Variants in TFAP4 observed in about 807,000 individuals in gnomAD.
TFAP4 encodes the protein transcription factor AP-4, also known as activating enhancer-binding protein 4.
A neutral mutation model predicts 40.4 loss-of-function variants in TFAP4; 7 were observed. The ratio of observed to expected loss-of-function variants is 0.17; its 90% confidence interval spans 0.10 to 0.33. The LOEUF is 0.33. TFAP4 is among the 10% of genes least tolerant of loss of function. The probability of loss-of-function intolerance (pLI) is 1.00; values close to 1 mark genes in which losing one functional copy is unlikely to be tolerated. For missense variants in TFAP4, 374 were observed against 451.1 expected (o/e 0.83, Z 1.55); for synonymous variants, 218 against 181.4 (o/e 1.20, Z -1.62).
intron 1 of TFAP4, 36 bp downstream of exon 1, chr16:4,272,622 T>A: frequency 7.1e-7 from 1 of 1,414,826 alleles, no homozygotes; most frequent in Non-Finnish European, 9.5e-7. Context: ...GGGGCTGCAG[T>A]GGTAGGAAGG....
intron 1 of TFAP4, among the ~76,000 whole-genome samples, chr16:4,271,997 C>G (rs1315936992): frequency 6.6e-6 from 1 of 151,936 alleles, no homozygotes; most frequent in South Asian, 2.1e-4. Context: ...CGCTAGTAAA[C>G]AGCGCCCGGG....
At chr16:4,262,763 G>A in intron 1 of TFAP4, 62 bp from the exon 2 acceptor site, 1 of 1,563,636 alleles carries the variant, frequency 6.4e-7, no homozygotes, top group South Asian at 1.1e-5. Context: ...ATCTCCAGAG[G>A]GCCCCAGTGG....
At chr16:4,267,656 C>G (rs2053008160) in intron 1 of TFAP4, among the ~76,000 whole-genome samples, 1 of 152,218 alleles carries the variant, frequency 6.6e-6, no homozygotes, top group Admixed American at 6.5e-5. Context: ...CCAGCTCCAG[C>G]CTCAAACCGG....
Position 4,272,466 on chromosome 16 carries a change from C to T in TFAP4, c.89+192G>A, listed in dbSNP as rs999471556. Among the ~76,000 whole-genome samples, 81 of 152,024 alleles carry T rather than the reference C, an allele frequency of 5.3e-4. 1 individual carries two copies. The highest frequency in any genetic ancestry group is 3.2e-4 in the Non-Finnish European group (22 of 67,954). On this transcript the variant is annotated intron_variant, in intron 1 of 6. Coordinates refer to ENST00000204517, the MANE Select transcript of TFAP4 (RefSeq NM_003223.3). ...AAAAGTGGCCGGGGCCGCTTGGGGC[C>T]CCCATGCTCCAAGGAAGGAGGGTCC...
chr16:4,271,675 C>A (rs1224680192), intron 1 of TFAP4, among the ~76,000 whole-genome samples: 1 of 152,124 alleles, frequency 6.6e-6, no homozygotes, highest in African/African-American at 2.4e-5. Context: ...GGGGACCCGA[C>A]GCTTTCGGTT....
chr16:4,261,210 G>A (rs1387625072), intron 4 of TFAP4, among the ~76,000 whole-genome samples: 3 of 151,682 alleles, frequency 2.0e-5, no homozygotes, highest in Admixed American at 1.3e-4. Context: ...GGGCTCAAGC[G>A]ATCCTCCCAC....
chr16:4,266,386 C>T (rs1031152679), intron 1 of TFAP4: 4 of 152,134 alleles, frequency 2.6e-5, no homozygotes, highest in African/African-American at 9.7e-5. Flanking sequence ...AAGCAAATTT[C>T]CCCCCAAAAG....
rs536611417 is a variant in TFAP4, at chr16:4,272,795, G to A, written c.-49C>T. On this transcript the variant is annotated 5_prime_UTR_variant, in exon 1 of 7. Transcript: ENST00000204517. ...ACGAGCCAGGTCCCGCGATCAGCCG[G>A]AGAATGCAAGATGGAAATCCGAATC... 1.7e-5 allele frequency: 27 copies of A among 1,561,646 alleles called. No individual in the cohort carries two copies. Among genetic ancestry groups the A allele is most frequent in the Middle Eastern group, 1.7e-4 (1 of 5,778 alleles).
intron 3 of TFAP4, 28 bp downstream of exon 3, chr16:4,262,296 A>C: frequency 1.2e-6 from 2 of 1,610,798 alleles, no homozygotes; most frequent in East Asian, 2.2e-5. Flanking sequence ...CATGCCAGGG[A>C]GAGGGAGCCA....
At position 4,257,311 on chromosome 16, in the gene TFAP4, T is replaced by TAAAAA. The variant is rs34634533; in HGVS notation, c.*739_*743dup. On this transcript the variant is annotated 3_prime_UTR_variant, in exon 7 of 7. Transcript: ENST00000204517. ...CTTGAACACGAAGACCTCAAAATTGTAAAAAAAAAAAAAAAAGAAAGAAAA... is the reference window on the plus strand; with the variant it reads ...CTTGAACACGAAGACCTCAAAATTGTAAAAAAAAAAAAAAAAAAAAAGAAAGAAAA... 8.7e-6 allele frequency: 1 copy of TAAAAA among 114,782 alleles called. No individual in the cohort carries two copies. Among genetic ancestry groups the TAAAAA allele is most frequent in the Non-Finnish European group, 1.8e-5 (1 of 55,872 alleles). The allele number at this position is 114,782 out of a possible 1,614,324, so 7.1% of individuals were successfully genotyped here.
rs1236445675 is a variant in TFAP4, at chr16:4,272,905, G to C, written c.-159C>G. On this transcript the variant is annotated 5_prime_UTR_variant, in exon 1 of 7. Coordinates refer to ENST00000204517, the MANE Select transcript of TFAP4 (RefSeq NM_003223.3). The stretch of plus-strand genomic sequence containing the variant: ...CGGCGGCGAGGGGAGGGAGGCGGGC[G>C]GGAGGGGCGGGAGGGAGGTCTCTCC... 1.9e-6 allele frequency: 1 copy of C among 532,492 alleles called. No individual in the cohort carries two copies. Among genetic ancestry groups the C allele is most frequent in the Non-Finnish European group, 3.4e-6 (1 of 290,528 alleles). The allele number at this position is 532,492 out of a possible 1,614,324, so 33.0% of individuals were successfully genotyped here. A position where few individuals can be genotyped will look rare whatever the true frequency, so the allele number is the denominator to read the frequency against.
Position 4,272,995 on chromosome 16 carries a change from TG to T in TFAP4, c.-250del. 1 of 468,636 alleles carries T rather than the reference TG, an allele frequency of 2.1e-6. No homozygotes were observed. Among genetic ancestry groups the T allele is most frequent in the Non-Finnish European group, 3.8e-6 (1 of 261,342 alleles). The allele number at this position is 468,636 out of a possible 1,614,324, so 29.0% of individuals were successfully genotyped here. ...GTGTGTGTGTGTGTGTGTGTGTGTG[TG>T]TGTGTGTTTGCAGCTGATCAGATGT... On this transcript the variant is annotated 5_prime_UTR_variant, in exon 1 of 7. Coordinates refer to ENST00000204517, the MANE Select transcript of TFAP4 (RefSeq NM_003223.3).
intron 1 of TFAP4, among the ~76,000 whole-genome samples, chr16:4,271,033 C>T (rs2053035978): frequency 6.6e-6 from 1 of 152,252 alleles, no homozygotes; most frequent in South Asian, 2.1e-4. Flanking sequence ...GTCCCCAGAA[C>T]ATAAAAAGAG....
intron 1 of TFAP4, chr16:4,264,824 C>G (rs1172238041): frequency 2.0e-5 from 3 of 152,416 alleles, no homozygotes; most frequent in Non-Finnish European, 2.9e-5. Flanking sequence ...TGGCTTAAAG[C>G]TGGGGCTCTT....
At chr16:4,264,935 G>C (rs117593304) in intron 1 of TFAP4, 4,096 of 152,164 alleles carry the variant, frequency 0.027, 149 homozygotes, top group Admixed American at 0.095. Flanking sequence ...TGTGGGGAGA[G>C]ACCCCTGCCC....
rs757081124 is a variant in TFAP4, at chr16:4,260,192, C to T, written c.720G>A (p.Pro240=). The change falls in exon 6 of 7, where the codon CCG becomes CCA. Residue 240 remains proline (P), a synonymous_variant. Coordinates refer to ENST00000204517, the MANE Select transcript of TFAP4 (RefSeq NM_003223.3). ...TGATGTGGTGGGAGGGAGGAGGAGG[C>T]GGTGCTGGCACGATCACCGTGGGGT... ...THHPTVIVPA[P]PPPPSHHINV... 6.3e-5 allele frequency: 29 copies of T among 456,988 alleles called. No homozygotes were observed. Among genetic ancestry groups the T allele is most frequent in the Middle Eastern group, 4.4e-4 (1 of 2,270 alleles). The allele number at this position is 456,988 out of a possible 1,614,324, so 28.3% of individuals were successfully genotyped here. A position where few individuals can be genotyped will look rare whatever the true frequency, so the allele number is the denominator to read the frequency against.
chr16:4,266,530 A>C (rs182103723), intron 1 of TFAP4: 3 of 152,154 alleles, frequency 2.0e-5, no homozygotes, highest in East Asian at 1.9e-4. Context: ...TTGGTGGAAT[A>C]GGAGCTAACC....
At chr16:4,260,980 T>G (rs1367902265) in intron 4 of TFAP4, among the ~76,000 whole-genome samples, 2 of 152,140 alleles carry the variant, frequency 1.3e-5, no homozygotes, top group African/African-American at 4.8e-5. Context: ...TGTTTTTTGG[T>G]TTTTTTGAGC....
rs1271789045 is a variant in TFAP4, at chr16:4,261,861, G to A, written c.443C>T (p.Ala148Val). 1.2e-6 allele frequency: 2 copies of A among 1,613,456 alleles called. No homozygotes were observed. Among genetic ancestry groups the A allele is most frequent in the Non-Finnish European group, 1.7e-6 (2 of 1,179,870 alleles). Residue 148 changes from alanine (A) to valine (V), a missense_variant, in exon 4 of 7, where the codon GCG becomes GTG. Physicochemically the swap from Ala to Val is moderately conservative, Grantham distance 64 (BLOSUM62 0). Coordinates refer to ENST00000204517, the MANE Select transcript of TFAP4 (RefSeq NM_003223.3). ...AATCATCTCCCGCCGCAGGTCCTCC[G>A]CCTTCTCGTCCTCCCAGATGTCCGG... is the stretch of plus-strand genomic sequence containing the variant. The part of the protein sequence containing the change: ...GSPDIWEDEK[A>V]EDLRREMIEL...
Sources: gnomAD v4.1 joint callset for allele counts (sites outside exome capture counted in the v4.1 genomes callset) on GRCh38, gnomAD v4.1.1 for gene constraint, MANE v1.5 for transcripts, NCBI Gene and HGNC (gene_info 2026-07-23, HGNC 2026-07-21) for gene names.